The following RAB44 variants were observed in gnomAD, a reference collection of about 807,000 sequenced individuals.
RAB44 encodes the protein ras-related protein Rab-44.
RAB44 carries 67 observed loss-of-function variants against 93.3 expected under a neutral mutation model. The observed-to-expected ratio is 0.72, with a 90% CI of 0.59 to 0.88. The LOEUF is 0.88. RAB44 is among the 40% of genes least tolerant of loss of function. The probability of loss-of-function intolerance (pLI) is 0.00; values close to 1 mark genes in which losing one functional copy is unlikely to be tolerated. For missense variants in RAB44, 1,064 were observed against 1,261.7 expected, an observed-to-expected ratio of 0.84 and a Z score of 2.37; for synonymous variants, 427 against 520.3, an observed-to-expected ratio of 0.82 and a Z score of 2.44.
At position 36,720,360 on chromosome 6, in the gene RAB44, C is replaced by A. The variant is rs1044386648; in HGVS notation, c.829-3C>A. ...TCTCTCCGCCTCACCCTCCACCCTGCAGCTGGAGGCCCAGCTCTCCCACCT... is the reference window on the plus strand; with the variant it reads ...TCTCTCCGCCTCACCCTCCACCCTGAAGCTGGAGGCCCAGCTCTCCCACCT... On this transcript the variant is annotated splice_polypyrimidine_tract_variant and splice_region_variant and intron_variant, in intron 7 of 13. Transcript: ENST00000612677. 16 of 1,232,232 alleles carry A rather than the reference C, an allele frequency of 1.3e-5. No individual in the cohort carries two copies. In the Admixed American group the frequency reaches 3.4e-4, roughly 26 times the overall value. The allele number at this position is 1,232,232 out of a possible 1,614,324, so 76.3% of individuals were successfully genotyped here. A position where few individuals can be genotyped will look rare whatever the true frequency, so the allele number is the denominator to read the frequency against.
chr6:36,698,878 G>A lies in RAB44; in HGVS notation c.-13+963G>A, dbSNP rs140670291. Among the ~76,000 whole-genome samples the A allele has an allele frequency of 2.4e-3, 372 of 152,290 alleles. 5 individuals are homozygous for A. The highest frequency in any genetic ancestry group is 7.9e-3 in the African/African-American group (330 of 41,562). The stretch of plus-strand genomic sequence containing the variant: ...CCAAGGAGGGTGTGTGTGCGTGCAC[G>A]TTTGCACGTGTACATTTGTGGATTG... On this transcript the variant is annotated intron_variant, in intron 1 of 13. Coordinates refer to ENST00000612677, the MANE Select transcript of RAB44 (RefSeq NM_001257357.2).
rs764036298 is a variant in RAB44 at position 36,727,645 on chromosome 6, C to T, written c.2750C>T (p.Ser917Phe). 5 of 1,550,602 alleles carry T rather than the reference C, an allele frequency of 3.2e-6. No individual in the cohort carries two copies. The South Asian group carries it at 5.9e-5, about 18-fold the overall frequency. The change falls in exon 11 of 14, where the codon TCC becomes TTC. Residue 917 changes from serine (S) to phenylalanine (F), a missense_variant. Transcript: ENST00000612677. ...DGVVLMYDIT[S>F]QESFAHVRYW... Reference sequence around the variant, plus strand: ...GTGGTGCTCATGTACGACATCACCTCCCAGGAGAGCTTTGCCCACGTGCGC... The same window carrying T: ...GTGGTGCTCATGTACGACATCACCTTCCAGGAGAGCTTTGCCCACGTGCGC...
At chr6:36,729,730 A>G (rs236465) in intron 12 of RAB44, among the ~76,000 whole-genome samples, 114,024 of 152,064 alleles carry the variant, frequency 0.75, 42,984 homozygotes, top group Middle Eastern at 0.85. Context: ...GGATCTGCCT[A>G]CCTCGGGCTC....
Position 36,704,265 on chromosome 6 carries a change from A to T in RAB44, c.30A>T (p.Lys10Asn), listed in dbSNP as rs1437003417. Residue 10 changes from lysine (K) to asparagine (N), a missense_variant, in exon 2 of 14, where the codon AAA becomes AAT. Physicochemically the swap from Lys to Asn is moderately conservative, Grantham distance 94. Coordinates refer to ENST00000612677, the MANE Select transcript of RAB44 (RefSeq NM_001257357.2). ...AGACTGGACAGAGAACATCTCGAAAAGTCCGGAAGCTGGGCTCCAACCGGC... is the reference window on the plus strand; with the variant it reads ...AGACTGGACAGAGAACATCTCGAAATGTCCGGAAGCTGGGCTCCAACCGGC... METGQRTSR[K>N]VRKLGSNRRR... The T allele has an allele frequency of 9.1e-6, 14 of 1,536,088 alleles. No homozygotes were observed. The highest frequency in any genetic ancestry group is 1.2e-5 in the Non-Finnish European group (14 of 1,146,884).
chr6:36,721,282 G>T lies in RAB44; in HGVS notation c.1148G>T (p.Gly383Val). ...LLSNFGSPPHGALQLCWSPPP... is the reference protein window; with the variant it reads ...LLSNFGSPPHVALQLCWSPPP... ...AGCAACTTTGGCAGCCCTCCGCACG[G>T]AGCCCTGCAGCTCTGCTGGAGCCCG... The change falls in exon 9 of 14, where the codon GGA becomes GTA. Residue 383 changes from glycine (G) to valine (V), a missense_variant. By Grantham distance (109) the Gly-to-Val change is moderately radical. Coordinates refer to ENST00000612677, the MANE Select transcript of RAB44 (RefSeq NM_001257357.2). The T allele has an allele frequency of 8.1e-7, 1 of 1,234,284 alleles. No individual in the cohort carries two copies. 76.5% of individuals were successfully genotyped at this position (1,234,284 alleles called of 1,614,324 possible).
intron 2 of RAB44, among the ~76,000 whole-genome samples, chr6:36,707,149 G>A (rs1264194582): frequency 1.3e-5 from 2 of 151,982 alleles, no homozygotes; most frequent in Non-Finnish European, 2.9e-5. Context: ...GTGAAACCCC[G>A]TCTCTACTAA....
chr6:36,705,856 C>T (rs770782997), intron 2 of RAB44, among the ~76,000 whole-genome samples: 104 of 151,150 alleles, frequency 6.9e-4, no homozygotes, highest in African/African-American at 2.3e-3. Context: ...TCTGTCTGGA[C>T]GCTTTCATAC....
rs1185557148 is a variant in RAB44 at position 36,721,599 on chromosome 6, GTGGCACC to G, written c.1468_1474del (p.Ala490HisfsTer68). ...CCTCTGGGGTCTCTCAGGAAGCCTG[GTGGCACC>G]TGCATTCAAAGTGCTCATTCCTTTG... is the stretch of plus-strand genomic sequence containing the variant. On this transcript the variant is annotated frameshift_variant, in exon 9 of 14. Transcript: ENST00000612677. LOFTEE classifies it high-confidence loss of function. 8.1e-7 allele frequency: 1 copy of G among 1,234,484 alleles called. No homozygotes were observed. Among genetic ancestry groups the G allele is most frequent in the Non-Finnish European group, 1.0e-6 (1 of 988,278 alleles). 76.5% of individuals were successfully genotyped at this position (1,234,484 alleles called of 1,614,324 possible). A position where few individuals can be genotyped will look rare whatever the true frequency, so the allele number is the denominator to read the frequency against.
At chr6:36,712,945 GA>G (rs1202449803) in intron 2 of RAB44, among the ~76,000 whole-genome samples, 1 of 152,190 alleles carries the variant, frequency 6.6e-6, no homozygotes, top group African/African-American at 2.4e-5. Context: ...GAGAAACAGA[GA>G]ATCAGCAAAC....
intron 10 of RAB44, 94 bp from the exon 11 acceptor site, chr6:36,727,483 A>G: frequency 1.3e-6 from 1 of 763,598 alleles, no homozygotes; most frequent in South Asian, 1.5e-5. Context: ...GTGGGAAGCA[A>G]TTAGAAGTAG....
At chr6:36,715,423 C>A in intron 3 of RAB44, 56 bp from the exon 4 acceptor site, 1 of 1,501,550 alleles carries the variant, frequency 6.7e-7, no homozygotes, top group Non-Finnish European at 8.9e-7. Flanking sequence ...GGGTGGGAGG[C>A]CAGGCGTCTG....
Position 36,717,373 on chromosome 6 carries a change from CAGGAGGCCCAGGCGGACA to C in RAB44, c.605_622del (p.Gln202_Ala207del). 3.2e-6 allele frequency: 4 copies of C among 1,232,188 alleles called. No homozygotes were observed. Among genetic ancestry groups the C allele is most frequent in the Non-Finnish European group, 4.0e-6 (4 of 987,992 alleles). 76.3% of individuals were successfully genotyped at this position (1,232,188 alleles called of 1,614,324 possible). On this transcript the variant is annotated inframe_deletion, in exon 5 of 14. Coordinates refer to ENST00000612677, the MANE Select transcript of RAB44 (RefSeq NM_001257357.2). The surrounding 1 kb of genome is among the most constrained non-coding windows in gnomAD (Gnocchi z 4.1). Reference sequence around the variant, plus strand: ...TCTGGCCAAGATGACCAGCCGCCTGCAGGAGGCCCAGGCGGACAAGGAGGCCCTGGAGCTGACCCTGAG... The same window carrying C: ...TCTGGCCAAGATGACCAGCCGCCTGCAGGAGGCCCTGGAGCTGACCCTGAG...
At position 36,727,038 on chromosome 6, in the gene RAB44, T is replaced by G. The variant is rs546953813; in HGVS notation, c.2682-539T>G. Among the ~76,000 whole-genome samples the G allele has an allele frequency of 3.3e-5, 5 of 152,260 alleles. No homozygotes were observed. In the East Asian group the frequency reaches 9.7e-4, roughly 29 times the overall value. ...CCGATCTGGAACTCCTGACCGCAAG[T>G]GATCCTCCTGCCTCAGCCTCCCAAA... is the stretch of plus-strand genomic sequence containing the variant. On this transcript the variant is annotated intron_variant, in intron 10 of 13. Coordinates refer to ENST00000612677, the MANE Select transcript of RAB44 (RefSeq NM_001257357.2).
intron 1 of RAB44, among the ~76,000 whole-genome samples, chr6:36,703,244 G>C (rs2150323744): frequency 6.6e-6 from 1 of 152,274 alleles, no homozygotes; most frequent in African/African-American, 2.4e-5. Flanking sequence ...CATTCATGAG[G>C]ACGGTGCCCC....
At chr6:36,700,411 T>C (rs1762482393) in intron 1 of RAB44, among the ~76,000 whole-genome samples, 1 of 152,210 alleles carries the variant, frequency 6.6e-6, no homozygotes, top group Non-Finnish European at 1.5e-5. Context: ...CCCTCATAGT[T>C]CTGAGGCTCA....
intron 2 of RAB44, among the ~76,000 whole-genome samples, chr6:36,704,729 T>C (rs1037306006): frequency 6.6e-5 from 10 of 152,226 alleles, no homozygotes; most frequent in Admixed American, 3.9e-4. Flanking sequence ...AGGACATTTA[T>C]CTTGGGAAGC....
chr6:36,715,953 A>G (rs1221154979), intron 4 of RAB44, among the ~76,000 whole-genome samples: 1 of 152,016 alleles, frequency 6.6e-6, no homozygotes, highest in Non-Finnish European at 1.5e-5. Flanking sequence ...CTGTAGGGTC[A>G]CTCTCCAGGA....
chr6:36,703,271 C>T (rs1164177579), intron 1 of RAB44, among the ~76,000 whole-genome samples: 1 of 152,152 alleles, frequency 6.6e-6, no homozygotes, highest in Non-Finnish European at 1.5e-5. Flanking sequence ...CCAAACAATT[C>T]CCATCAGGCC....
chr6:36,703,983 T>C (rs909133755), intron 1 of RAB44, among the ~76,000 whole-genome samples: 1 of 152,114 alleles, frequency 6.6e-6, no homozygotes, highest in Non-Finnish European at 1.5e-5. Flanking sequence ...GTGGGTAGCT[T>C]GGAGAAGGGC....
Sources: gnomAD v4.1 joint callset for allele counts (sites outside exome capture counted in the v4.1 genomes callset) on GRCh38, gnomAD v4.1.1 for gene constraint, Gnocchi (gnomAD v3.1) non-coding constraint, MANE v1.5 for transcripts, NCBI Gene and HGNC (gene_info 2026-07-23, HGNC 2026-07-21) for gene names.